The following CRYBB3 variants were observed in gnomAD, a reference collection of about 807,000 sequenced individuals.
CRYBB3 encodes the protein beta-crystallin B3.
Under a neutral mutation model 28.3 loss-of-function variants are expected in CRYBB3, and 35 were observed. That is an observed-to-expected ratio of 1.24 (90% CI 0.95 to 1.64). The LOEUF (loss-of-function observed/expected upper bound fraction) is 1.64. CRYBB3 is among the 40% of genes most tolerant of loss of function. The pLI is 0.00. For missense variants in CRYBB3, 296 were observed against 297.4 expected, an observed-to-expected ratio of 1.00 and a Z score of 0.04; for synonymous variants, 106 against 110.4, an observed-to-expected ratio of 0.96 and a Z score of 0.25.
At chr22:25,200,992 TAGCC>T (rs886413792) in intron 1 of CRYBB3, among the ~76,000 whole-genome samples, 1 of 152,160 alleles carries the variant, frequency 6.6e-6, no homozygotes, top group Admixed American at 6.5e-5. Context: ...GCCCACCCTT[TAGCC>T]AGGTTCTGGG....
intron 4 of CRYBB3, among the ~76,000 whole-genome samples, chr22:25,204,417 T>C (rs1934997141): frequency 6.6e-6 from 1 of 152,070 alleles, no homozygotes; most frequent in Admixed American, 6.6e-5. Flanking sequence ...TTTTTATTTA[T>C]GTATTTTTAT....
At chr22:25,206,926 T>G (rs1935045257) in intron 5 of CRYBB3, 121 bp from the exon 6 acceptor site, 1 of 804,634 alleles carries the variant, frequency 1.2e-6, no homozygotes. Flanking sequence ...TTTGGATTCA[T>G]CCCAAGGGCT....
At chr22:25,205,710 C>T (rs761796144) in intron 5 of CRYBB3, among the ~76,000 whole-genome samples, 16 of 152,150 alleles carry the variant, frequency 1.1e-4, no homozygotes, top group Non-Finnish European at 7.4e-5. Flanking sequence ...CTGCCCGCCT[C>T]GGCCTCCCAA....
At chr22:25,206,729 G>T (rs916736094) in intron 5 of CRYBB3, among the ~76,000 whole-genome samples, 4 of 151,992 alleles carry the variant, frequency 2.6e-5, no homozygotes, top group African/African-American at 9.7e-5. Context: ...GTGGAAAAAA[G>T]GGGGAAGGAG....
intron 4 of CRYBB3, among the ~76,000 whole-genome samples, chr22:25,204,213 G>A (rs1267923027): frequency 6.6e-6 from 1 of 152,172 alleles, no homozygotes; most frequent in East Asian, 1.9e-4. Flanking sequence ...TCAAAGAAAT[G>A]CAGTCCAGGA....
At position 25,207,286 on chromosome 22, in the gene CRYBB3, G is replaced by A. The variant is rs978469402; in HGVS notation, c.*74G>A. Reference sequence around the variant, plus strand: ...GGCAAGAAGAGGAGGCTCCAGGGTTGGGGCGAGGGCCGACCTGTCCACCCT... The same window carrying A: ...GGCAAGAAGAGGAGGCTCCAGGGTTAGGGCGAGGGCCGACCTGTCCACCCT... On this transcript the variant is annotated 3_prime_UTR_variant, in exon 6 of 6. Transcript: ENST00000215855. 5 of 1,409,362 alleles carry A rather than the reference G, an allele frequency of 3.5e-6. No individual in the cohort carries two copies. In the African/African-American group the frequency reaches 7.1e-5, roughly 20 times the overall value. The allele number at this position is 1,409,362 out of a possible 1,614,324, so 87.3% of individuals were successfully genotyped here. A position where few individuals can be genotyped will look rare whatever the true frequency, so the allele number is the denominator to read the frequency against.
chr22:25,207,198 T>C lies in CRYBB3; in HGVS notation c.622T>C (p.Phe208Leu), dbSNP rs377319643. 10 of 1,612,746 alleles carry C rather than the reference T, an allele frequency of 6.2e-6. No homozygotes were observed. The highest frequency in any genetic ancestry group is 8.5e-6 in the Non-Finnish European group (10 of 1,179,536). ...CCAGAAGTGGCACAAGCGGGGCCGC[T>C]TCCCCAGCAGCTGAAAGGCACCCAG... ...RDQKWHKRGR[F>L]PSS is the part of the protein sequence containing the mutation. Residue 208 changes from phenylalanine (F) to leucine (L), a missense_variant, in exon 6 of 6, where the codon TTC becomes CTC. Phe to Leu is a conservative substitution (Grantham distance 22). Coordinates refer to ENST00000215855, the MANE Select transcript of CRYBB3 (RefSeq NM_004076.5).
rs781662479 is a variant in CRYBB3 at position 25,203,912 on chromosome 22, C to T, written c.327+17C>T. ...CTGAATATTGTGAGTGTGGTTCCTGCTCACTTCTGGGTGTTCCTGGAAGCA... is the reference window on the plus strand; with the variant it reads ...CTGAATATTGTGAGTGTGGTTCCTGTTCACTTCTGGGTGTTCCTGGAAGCA... On this transcript the variant is annotated intron_variant, in intron 4 of 5. Transcript: ENST00000215855. 2 of 1,614,104 alleles carry T rather than the reference C, an allele frequency of 1.2e-6. No individual in the cohort carries two copies. The highest frequency in any genetic ancestry group is 1.7e-6 in the Non-Finnish European group (2 of 1,179,966).
intron 1 of CRYBB3, among the ~76,000 whole-genome samples, chr22:25,201,122 G>A (rs1324217664): frequency 6.6e-6 from 1 of 152,096 alleles, no homozygotes; most frequent in African/African-American, 2.4e-5. Context: ...CTCACTGTGT[G>A]CTTGAGGAAG....
chr22:25,203,971 C>T lies in CRYBB3; in HGVS notation c.327+76C>T. ...TGAGAGCTGGTCAGGCAGCTCATTGCACAAGCTGGGCTGAGGGTTTGGCCC... is the reference window on the plus strand; with the variant it reads ...TGAGAGCTGGTCAGGCAGCTCATTGTACAAGCTGGGCTGAGGGTTTGGCCC... On this transcript the variant is annotated intron_variant, in intron 4 of 5. Transcript: ENST00000215855. The T allele has an allele frequency of 4.4e-6, 7 of 1,586,730 alleles. No homozygotes were observed. In the South Asian group the frequency reaches 7.8e-5, roughly 18 times the overall value.
chr22:25,204,352 C>G (rs1258795852), intron 4 of CRYBB3, among the ~76,000 whole-genome samples: 1 of 152,170 alleles, frequency 6.6e-6, no homozygotes, highest in African/African-American at 2.4e-5. Context: ...GAGACAGACT[C>G]CTGCTCTGTC....
At chr22:25,201,276 C>T in intron 1 of CRYBB3, 101 bp from the exon 2 acceptor site, 1 of 1,579,436 alleles carries the variant, frequency 6.3e-7, no homozygotes, top group South Asian at 1.1e-5. Flanking sequence ...CAGCCACGCC[C>T]CATGGGCAGC....
intron 5 of CRYBB3, among the ~76,000 whole-genome samples, chr22:25,206,380 C>A (rs1453954038): frequency 2.0e-5 from 3 of 152,042 alleles, no homozygotes; most frequent in African/African-American, 4.8e-5. Context: ...CCCGTCTCTA[C>A]TAAAAATACA....
intron 3 of CRYBB3, 58 bp from the exon 4 acceptor site, chr22:25,203,705 C>T: frequency 1.9e-6 from 3 of 1,609,724 alleles, no homozygotes; most frequent in East Asian, 2.2e-5. Context: ...TCTCACTAAA[C>T]TTGAATCCTT....
In CRYBB3 at chr22:25,202,712, C is replaced by T. The variant is rs1934968414; in HGVS notation, c.114C>T (p.Arg38=). ...AACTAGAGAACTTCCAAGGCAAACG[C>T]TGCGAGCTCTCGGCCGAGTGCCCCA... ...LYELENFQGK[R]CELSAECPSL... Residue 38 remains arginine (R), a synonymous_variant, in exon 3 of 6, where the codon CGC becomes CGT. Transcript: ENST00000215855. 1 of 1,614,024 alleles carries T rather than the reference C, an allele frequency of 6.2e-7. No homozygotes were observed. Among genetic ancestry groups the T allele is most frequent in the South Asian group, 1.1e-5 (1 of 91,076 alleles).
At position 25,203,779 on chromosome 22, in the gene CRYBB3, T is replaced by G; in HGVS notation, c.211T>G (p.Ser71Ala). 1 of 1,614,140 alleles carries G rather than the reference T, an allele frequency of 6.2e-7. No homozygotes were observed. The highest frequency in any genetic ancestry group is 8.5e-7 in the Non-Finnish European group (1 of 1,180,010). Residue 71 changes from serine (S) to alanine (A), a missense_variant, in exon 4 of 6, where the codon TCC (serine) becomes GCC (alanine). Coordinates refer to ENST00000215855, the MANE Select transcript of CRYBB3 (RefSeq NM_004076.5). ...VESGPWLAFE[S>A]RAFRGEQFVL... is the part of the protein sequence containing the mutation. ...CTCCCTCAGGTGGCTGGCATTTGAG[T>G]CCAGGGCCTTCCGCGGGGAGCAGTT...
At chr22:25,202,897 C>T in intron 3 of CRYBB3, 105 bp downstream of exon 3, 1 of 1,546,582 alleles carries the variant, frequency 6.5e-7, no homozygotes, top group Non-Finnish European at 8.7e-7. Context: ...TGACAGCTCC[C>T]CTGCCTTCTC....
rs1469975108 is a variant in CRYBB3 at position 25,205,354 on chromosome 22, C to T, written c.462C>T (p.Ile154=). ...ACCGTGTGGCGAGTGTCCGTGCCAT[C>T]AACGGGACGTAAGGGACCCAACCCT... The part of the protein sequence containing the change: ...FQDRVASVRA[I]NGTWVGYEFP... The change falls in exon 5 of 6, where the codon ATC becomes ATT. Residue 154 remains isoleucine, a synonymous_variant. Transcript: ENST00000215855. 1.9e-6 allele frequency: 3 copies of T among 1,613,950 alleles called. No homozygotes were observed.
At chr22:25,200,535 G>A (rs1366852880) in intron 1 of CRYBB3, among the ~76,000 whole-genome samples, 1 of 152,132 alleles carries the variant, frequency 6.6e-6, no homozygotes, top group African/African-American at 2.4e-5. Context: ...TTTTGCGAGT[G>A]TGTGCACCTA....
Sources: allele counts gnomAD v4.1 joint callset (sites outside exome capture counted in the v4.1 genomes callset), GRCh38; gene constraint gnomAD v4.1.1; transcripts MANE v1.5; gene names NCBI Gene and HGNC (gene_info 2026-07-23, HGNC 2026-07-21).